The following ZNF548 variants were observed in gnomAD, a reference collection of about 807,000 sequenced individuals.
ZNF548 encodes zinc finger protein 548.
In ZNF548, 10 loss-of-function variants were observed where a neutral mutation model predicts 10.2. The observed-to-expected ratio is 0.98, with a 90% CI of 0.60 to 1.66. ZNF548 has a LOEUF of 1.66. ZNF548 is among the 40% of genes most tolerant of loss of function. The pLI is 0.00. For synonymous variants in ZNF548, 217 were observed against 223.5 expected, an observed-to-expected ratio of 0.97 and a Z score of 0.26; for missense variants, 599 against 657.0, an observed-to-expected ratio of 0.91 and a Z score of 0.97.
chr19:57,398,912 A>G lies in ZNF548; in HGVS notation c.661A>G (p.Ser221Gly), dbSNP rs2088688949. 6.2e-7 allele frequency: 1 copy of G among 1,614,114 alleles called. No individual in the cohort carries two copies. The highest frequency in any genetic ancestry group is 2.2e-5 in the East Asian group (1 of 44,888). ...TGAATGTGGGAAAACCTTCACCTGC[A>G]GCTATTCATTTGTTGAGCACCAGAA... ...CSECGKTFTC[S>G]YSFVEHQKIH... is the part of the protein sequence containing the mutation. The change falls in exon 4 of 4, where the codon AGC becomes GGC. Residue 221 changes from serine (S) to glycine (G), a missense_variant. Ser to Gly is a moderately conservative substitution (Grantham distance 56). Transcript: ENST00000336128.
Position 57,394,005 on chromosome 19 carries a change from G to A in ZNF548, c.16-183G>A, listed in dbSNP as rs2088647386. The A allele has an allele frequency of 1.2e-5, 8 of 667,512 alleles. No individual in the cohort carries two copies. In the Admixed American group the frequency reaches 1.9e-4, roughly 16 times the overall value. 41.3% of individuals were successfully genotyped at this position (667,512 alleles called of 1,614,324 possible). ...CAATCTATTTACAGATGGAGACACT[G>A]AAGCTCAGGTGGGTTTGGTTCTTTT... On this transcript the variant is annotated intron_variant, in intron 1 of 3. Coordinates refer to ENST00000336128, the MANE Select transcript of ZNF548 (RefSeq NM_001172773.2).
At chr19:57,394,750 G>A (rs986003380) in intron 2 of ZNF548, among the ~76,000 whole-genome samples, 2 of 152,206 alleles carry the variant, frequency 1.3e-5, no homozygotes, top group Non-Finnish European at 2.9e-5. Flanking sequence ...TCCTGCAGCA[G>A]TCTAGGTGGA....
intron 1 of ZNF548, among the ~76,000 whole-genome samples, chr19:57,392,467 C>G (rs2088633821): frequency 6.6e-6 from 1 of 152,096 alleles, no homozygotes; most frequent in Non-Finnish European, 1.5e-5. Context: ...TTGTATATGG[C>G]AAGAGAAATT....
chr19:57,394,251 C>T (rs1399411981), intron 2 of ZNF548, 28 bp downstream of exon 2: 2 of 1,597,222 alleles, frequency 1.3e-6, no homozygotes, highest in East Asian at 2.2e-5. Flanking sequence ...TACTATTCAC[C>T]CACCCTGGTT....
intron 2 of ZNF548, among the ~76,000 whole-genome samples, chr19:57,394,904 T>C (rs1024805032): frequency 1.3e-5 from 2 of 152,088 alleles, no homozygotes; most frequent in African/African-American, 2.4e-5. Flanking sequence ...TTTGGAAGCA[T>C]AGATGCTCCA....
At position 57,400,143 on chromosome 19, in the gene ZNF548, G is replaced by C. The variant is rs947599240; in HGVS notation, c.*254G>C. 5.1e-6 allele frequency: 2 copies of C among 390,398 alleles called. No individual in the cohort carries two copies. The highest frequency in any genetic ancestry group is 4.0e-5 in the African/African-American group (2 of 49,740). 24.2% of individuals were successfully genotyped at this position (390,398 alleles called of 1,614,324 possible). On this transcript the variant is annotated 3_prime_UTR_variant, in exon 4 of 4. Coordinates refer to ENST00000336128, the MANE Select transcript of ZNF548 (RefSeq NM_001172773.2). ...GTGGATTCTACAGTATTTATCTTTT[G>C]AGACTGGCTTATTTCACTTAGGATA...
chr19:57,398,861 A>G lies in ZNF548; in HGVS notation c.610A>G (p.Thr204Ala). Residue 204 changes from threonine (T) to alanine (A), a missense_variant, in exon 4 of 4, where the codon ACT becomes GCT. Physicochemically the swap from Thr to Ala is moderately conservative, Grantham distance 58. Transcript: ENST00000336128. ...RDTEDREAFQ[T>A]GQNDYKCSEC... ...CACAGAGGACAGAGAAGCCTTTCAGACTGGACAAAATGATTACAAATGTAG... is the reference window on the plus strand; with the variant it reads ...CACAGAGGACAGAGAAGCCTTTCAGGCTGGACAAAATGATTACAAATGTAG... The G allele has an allele frequency of 6.2e-7, 1 of 1,614,026 alleles. No homozygotes were observed. Among genetic ancestry groups the G allele is most frequent in the Non-Finnish European group, 8.5e-7 (1 of 1,179,896 alleles).
chr19:57,394,212 GA>G lies in ZNF548; in HGVS notation c.41del (p.Asp14AlafsTer35). The G allele has an allele frequency of 1.2e-6, 2 of 1,604,540 alleles. No individual in the cohort carries two copies. The highest frequency in any genetic ancestry group is 1.7e-6 in the Non-Finnish European group (2 of 1,179,482). The stretch of plus-strand genomic sequence containing the variant: ...GGGTCCCCTGGCGATGGCAGAAATG[GA>G]CCCTACACAGGTGAGTAGAGTGTTT... ...TEGPLAMAEM[D>X]PTQGRVVFED... On this transcript the variant is annotated frameshift_variant, in exon 2 of 4. Transcript: ENST00000336128. LOFTEE classifies it high-confidence loss of function.
rs751517245 is a variant in ZNF548 at position 57,398,747 on chromosome 19, A to G, written c.496A>G (p.Thr166Ala). The G allele has an allele frequency of 1.1e-5, 17 of 1,613,974 alleles. No homozygotes were observed. Among genetic ancestry groups the G allele is most frequent in the Non-Finnish European group, 1.2e-5 (14 of 1,179,942 alleles). ...HRVHMAEEIF[T>A]CMEGWKDLPA... ...AGTTCACATGGCAGAGGAGATCTTC[A>G]CATGCATGGAGGGCTGGAAGGACTT... is the stretch of plus-strand genomic sequence containing the variant. Residue 166 changes from threonine to alanine, a missense_variant, in exon 4 of 4, where the codon ACA becomes GCA. Thr to Ala is a moderately conservative substitution (Grantham distance 58). Transcript: ENST00000336128.
rs2088661702 is a variant in ZNF548 at position 57,395,952 on chromosome 19, G to A, written c.52-1096G>A. Among the ~76,000 whole-genome samples the A allele has an allele frequency of 6.6e-6, 1 of 151,858 alleles. No individual in the cohort carries two copies. Among genetic ancestry groups the A allele is most frequent in the Non-Finnish European group, 1.5e-5 (1 of 67,978 alleles). The stretch of plus-strand genomic sequence containing the variant: ...CCGTGTAGGGAACCTTCAACCCAGG[G>A]CTTAGGGCTGCCCCCGGTGCTAGGG... On this transcript the variant is annotated intron_variant, in intron 2 of 3. Transcript: ENST00000336128. This position sits in a 1 kb window ranked among gnomAD's most constrained non-coding sequence, Gnocchi z 4.8.
intron 1 of ZNF548, among the ~76,000 whole-genome samples, chr19:57,392,050 C>CG (rs546106367): frequency 2.0e-5 from 3 of 151,764 alleles, no homozygotes; most frequent in Admixed American, 6.6e-5. Context: ...CCACCTGCCT[C>CG]GGCCTCCCAA....
intron 1 of ZNF548, among the ~76,000 whole-genome samples, chr19:57,393,681 G>GGAGAGGA (rs1385642760): frequency 3.6e-5 from 4 of 111,756 alleles, no homozygotes; most frequent in African/African-American, 1.3e-4. Flanking sequence ...AGAGGAGAGG[G>GGAGAGGA]GAGGGGAGGG....
intron 2 of ZNF548, among the ~76,000 whole-genome samples, chr19:57,396,630 G>C (rs185159403): frequency 4.6e-5 from 7 of 152,226 alleles, no homozygotes; most frequent in Admixed American, 6.5e-5. Flanking sequence ...TTTCCCCAAG[G>C]GGGGTACATA....
At chr19:57,390,179 G>T in intron 1 of ZNF548, 65 bp downstream of exon 1, 1 of 1,572,994 alleles carries the variant, frequency 6.4e-7, no homozygotes, top group Non-Finnish European at 8.6e-7. Context: ...CCCCTGAAGG[G>T]GCCCTGCAGG....
chr19:57,390,222 C>A, intron 1 of ZNF548, 108 bp downstream of exon 1: 1 of 1,307,202 alleles, frequency 7.6e-7, no homozygotes, highest in Non-Finnish European at 1.0e-6. Context: ...AGGGGCGTTC[C>A]TGTGTGGGGT....
rs569741041 is a variant in ZNF548 at position 57,402,580 on chromosome 19, A to C, written c.*2691A>C. The C allele has an allele frequency of 2.6e-5, 4 of 152,350 alleles. No individual in the cohort carries two copies. The East Asian group carries it at 7.7e-4, about 29-fold the overall frequency. 9.4% of individuals were successfully genotyped at this position (152,350 alleles called of 1,614,324 possible). ...ACATTGGGTTGTTTCTTGCTATCAG[A>C]AGAACCCAGAAAAGTATTATGAATC... On this transcript the variant is annotated 3_prime_UTR_variant, in exon 4 of 4. Transcript: ENST00000336128.
At chr19:57,390,613 A>G (rs2088616841) in intron 1 of ZNF548, 2 of 154,418 alleles carry the variant, frequency 1.3e-5, no homozygotes, top group African/African-American at 4.8e-5. Flanking sequence ...GGCCTGAAAG[A>G]TAGGGCCCGT....
Position 57,399,728 on chromosome 19 carries a change from G to A in ZNF548, c.1477G>A (p.Glu493Lys), listed in dbSNP as rs376205703. The stretch of plus-strand genomic sequence containing the variant: ...TGGAGAAAGACCTTATGAGTGCAGC[G>A]AATGCCAGAAGGCCTTTATTAGAAA... ...HSGERPYECS[E>K]CQKAFIRKSH... is the part of the protein sequence containing the mutation. The change falls in exon 4 of 4, where the codon GAA (glutamate) becomes AAA (lysine). Residue 493 changes from glutamate to lysine, a missense_variant. Transcript: ENST00000336128. The surrounding 1 kb of genome is among the most constrained non-coding windows in gnomAD (Gnocchi z 4.0). The A allele has an allele frequency of 5.3e-5, 85 of 1,614,076 alleles. No individual in the cohort carries two copies. The highest frequency in any genetic ancestry group is 3.1e-4 in the African/African-American group (23 of 74,916).
chr19:57,396,699 T>C (rs1158022500), intron 2 of ZNF548, among the ~76,000 whole-genome samples: 1 of 151,570 alleles, frequency 6.6e-6, no homozygotes, highest in East Asian at 1.9e-4. Flanking sequence ...AAAATTGGAG[T>C]GAGGGGAAAG....
Sources: allele counts gnomAD v4.1 joint callset (sites outside exome capture counted in the v4.1 genomes callset), GRCh38; gene constraint gnomAD v4.1.1; non-coding constraint Gnocchi (gnomAD v3.1); transcripts MANE v1.5; gene names NCBI Gene and HGNC (gene_info 2026-07-23, HGNC 2026-07-21).